Variants in CFAP53 observed in about 807,000 individuals in gnomAD.
CFAP53 encodes the protein cilia- and flagella-associated protein 53.
Under a neutral mutation model 59.7 loss-of-function variants are expected in CFAP53, and 62 were observed. The observed-to-expected ratio is 1.04, with a 90% CI of 0.85 to 1.28. CFAP53 has a LOEUF of 1.28. CFAP53 is among the 50% of genes most tolerant of loss of function. The pLI is 0.00. For missense variants in CFAP53, 629 were observed against 615.6 expected, an observed-to-expected ratio of 1.02 and a Z score of -0.23; for synonymous variants, 218 against 205.7, an observed-to-expected ratio of 1.06 and a Z score of -0.51.
intron 7 of CFAP53, among the ~76,000 whole-genome samples, chr18:50,230,971 G>A (rs764017708): frequency 5.3e-5 from 8 of 152,152 alleles, no homozygotes; most frequent in Non-Finnish European, 7.4e-5. Context: ...TCAGGCTGGC[G>A]GAACCAGGAT....
chr18:50,261,268 A>AG, intron 2 of CFAP53, 31 bp from the exon 3 acceptor site: 1 of 1,487,486 alleles, frequency 6.7e-7, no homozygotes, highest in East Asian at 2.4e-5. Flanking sequence ...AAAAAAAAAA[A>AG]AAAGAAAACT....
rs139623884 is a variant in CFAP53 at position 50,258,259 on chromosome 18, T to C, written c.473+2805A>G. ...TGGTACTGGCATAAAAACAGACACATAAACCAATGAAAAAGAATAGAGAAC... is the reference window on the plus strand; with the variant it reads ...TGGTACTGGCATAAAAACAGACACACAAACCAATGAAAAAGAATAGAGAAC... On this transcript the variant is annotated intron_variant, in intron 3 of 7. Transcript: ENST00000398545. Among the ~76,000 whole-genome samples, 18 of 152,040 alleles carry C rather than the reference T, an allele frequency of 1.2e-4. No individual in the cohort carries two copies. The East Asian group carries it at 3.1e-3, about 26-fold the overall frequency.
chr18:50,262,748 G>A (rs777417970), intron 1 of CFAP53, among the ~76,000 whole-genome samples: 5 of 152,050 alleles, frequency 3.3e-5, no homozygotes, highest in East Asian at 1.9e-4. Context: ...ATGTGTGTGT[G>A]TATATATATG....
chr18:50,241,941 G>A (rs1206172636), intron 6 of CFAP53, among the ~76,000 whole-genome samples: 3 of 152,108 alleles, frequency 2.0e-5, no homozygotes, highest in Admixed American at 2.0e-4. Flanking sequence ...CAGGAGACCA[G>A]GGCATATTTC....
At chr18:50,240,782 GA>G (rs2033683311) in intron 6 of CFAP53, among the ~76,000 whole-genome samples, 1 of 152,242 alleles carries the variant, frequency 6.6e-6, no homozygotes, top group Admixed American at 6.5e-5. Flanking sequence ...CTGGAGTGAA[GA>G]ATTAATGAAT....
At chr18:50,246,539 A>G (rs1023552064) in intron 5 of CFAP53, among the ~76,000 whole-genome samples, 4 of 152,248 alleles carry the variant, frequency 2.6e-5, no homozygotes, top group African/African-American at 9.6e-5. Context: ...ACAAAGAAGT[A>G]CATCTTTGTG....
At position 50,261,251 on chromosome 18, in the gene CFAP53, C is replaced by CAAAAAAAAAAAA; in HGVS notation, c.300-15_300-14insTTTTTTTTTTTT. 9.0e-7 allele frequency: 1 copy of CAAAAAAAAAAAA among 1,110,786 alleles called. No individual in the cohort carries two copies. 68.8% of individuals were successfully genotyped at this position (1,110,786 alleles called of 1,614,324 possible). A position where few individuals can be genotyped will look rare whatever the true frequency, so the allele number is the denominator to read the frequency against. On this transcript the variant is annotated splice_polypyrimidine_tract_variant and intron_variant, in intron 2 of 7. Coordinates refer to ENST00000398545, the MANE Select transcript of CFAP53 (RefSeq NM_145020.5). Reference sequence around the variant, plus strand: ...AGCTCACGTAGCCTGAAACAAAAAGCCAAAAAAAAAAAAAAAAAAAGAAAA... The same window carrying CAAAAAAAAAAAA: ...AGCTCACGTAGCCTGAAACAAAAAGCAAAAAAAAAAAACAAAAAAAAAAAAAAAAAAAGAAAA...
chr18:50,227,848 T>A (rs1173205212), intron 7 of CFAP53, among the ~76,000 whole-genome samples: 3 of 152,088 alleles, frequency 2.0e-5, no homozygotes, highest in Non-Finnish European at 4.4e-5. Context: ...CTCGTAATGT[T>A]CACTGCTATG....
At chr18:50,239,381 C>G (rs1358196685) in intron 6 of CFAP53, among the ~76,000 whole-genome samples, 1 of 151,438 alleles carries the variant, frequency 6.6e-6, no homozygotes, top group African/African-American at 2.4e-5. Context: ...ATAAATAAAG[C>G]TCTTGTAAGT....
chr18:50,234,651 T>A (rs1321580353), intron 7 of CFAP53, among the ~76,000 whole-genome samples: 1 of 152,232 alleles, frequency 6.6e-6, no homozygotes, highest in Non-Finnish European at 1.5e-5. Flanking sequence ...GGAGAGGACG[T>A]GCACTATAGT....
chr18:50,230,968 G>A (rs2033578250), intron 7 of CFAP53, among the ~76,000 whole-genome samples: 1 of 152,176 alleles, frequency 6.6e-6, no homozygotes. Context: ...GAATCAGGCT[G>A]GCGGAACCAG....
chr18:50,264,037 A>C (rs2144439587), intron 1 of CFAP53, among the ~76,000 whole-genome samples: 1 of 152,360 alleles, frequency 6.6e-6, no homozygotes, highest in South Asian at 2.1e-4. Flanking sequence ...ATGTAATTCT[A>C]AATTTTCAAG....
rs527861260 is a variant in CFAP53, at chr18:50,266,473, C to A, written c.-69G>T. On this transcript the variant is annotated 5_prime_UTR_variant, in exon 1 of 8. Transcript: ENST00000398545. ...CCCCAACCGTGGCGACCTGCGGGAC[C>A]CGCTTCCGCGACGCAGAAGTCTGGT... 24 of 1,490,502 alleles carry A rather than the reference C, an allele frequency of 1.6e-5. No individual in the cohort carries two copies. The South Asian group carries it at 2.6e-4, about 16-fold the overall frequency. 92.3% of individuals were successfully genotyped at this position (1,490,502 alleles called of 1,614,324 possible). A position where few individuals can be genotyped will look rare whatever the true frequency, so the allele number is the denominator to read the frequency against.
chr18:50,265,245 A>T (rs1441062808), intron 1 of CFAP53, among the ~76,000 whole-genome samples: 3 of 152,208 alleles, frequency 2.0e-5, no homozygotes, highest in Non-Finnish European at 4.4e-5. Flanking sequence ...ACATAAGTGG[A>T]AAATTTCACA....
At chr18:50,262,306 T>C (rs1216013946) in intron 1 of CFAP53, 87 bp from the exon 2 acceptor site, 5 of 1,101,752 alleles carry the variant, frequency 4.5e-6, no homozygotes, top group South Asian at 4.2e-5. Flanking sequence ...TCAATACTCA[T>C]ACTAAATAAA....
intron 1 of CFAP53, among the ~76,000 whole-genome samples, chr18:50,265,091 C>T (rs1220865168): frequency 1.3e-5 from 2 of 152,202 alleles, no homozygotes; most frequent in Non-Finnish European, 2.9e-5. Context: ...TATAGCACAT[C>T]ATTATTTACC....
intron 7 of CFAP53, among the ~76,000 whole-genome samples, chr18:50,228,931 C>T (rs1158609903): frequency 6.6e-6 from 1 of 151,968 alleles, no homozygotes; most frequent in Non-Finnish European, 1.5e-5. Flanking sequence ...GAGACCTGAT[C>T]TGTACAAAAA....
At chr18:50,231,078 C>T (rs1016335392) in intron 7 of CFAP53, among the ~76,000 whole-genome samples, 3 of 152,196 alleles carry the variant, frequency 2.0e-5, no homozygotes, top group African/African-American at 7.2e-5. Context: ...AACTCACAAA[C>T]TTCTGCTTAA....
In CFAP53 at chr18:50,238,623, T is replaced by C. The variant is rs775540452; in HGVS notation, c.1296A>G (p.Glu432=). 6.2e-7 allele frequency: 1 copy of C among 1,608,738 alleles called. No individual in the cohort carries two copies. The highest frequency in any genetic ancestry group is 8.5e-7 in the Non-Finnish European group (1 of 1,177,554). Residue 432 remains glutamate (E), a synonymous_variant, in exon 7 of 8, where the codon GAA becomes GAG. Transcript: ENST00000398545. The part of the protein sequence containing the change: ...INESLKELNC[E]EKENFARRQR... ...CATACCTTGCAAAATTCTCCTTCTC[T>C]TCACAGTTAAGTTCTTTAAGACTTT...
Sources: allele counts gnomAD v4.1 joint callset (sites outside exome capture counted in the v4.1 genomes callset), GRCh38; gene constraint gnomAD v4.1.1; transcripts MANE v1.5; gene names NCBI Gene and HGNC (gene_info 2026-07-23, HGNC 2026-07-21).